Variants in MTR observed in about 807,000 individuals in gnomAD.
MTR encodes methionine synthase.
Under a neutral mutation model 154.8 loss-of-function variants are expected in MTR, and 84 were observed. The observed-to-expected ratio is 0.54, with a 90% CI of 0.45 to 0.65. MTR has a LOEUF of 0.65. Among genes scored for constraint, MTR ranks in the 30% least tolerant of loss-of-function variants. The pLI is 0.00. For synonymous variants in MTR, 554 were observed against 553.9 expected, an observed-to-expected ratio of 1.00 and a Z score of 0.00; for missense variants, 1,275 against 1,570.2, an observed-to-expected ratio of 0.81 and a Z score of 3.18.
chr1:236,900,842 G>A lies in MTR; in HGVS notation c.*3198G>A, dbSNP rs948795416. 6.5e-6 allele frequency: 1 copy of A among 152,728 alleles called. No individual in the cohort carries two copies. The highest frequency in any genetic ancestry group is 2.4e-5 in the African/African-American group (1 of 41,422). 9.5% of individuals were successfully genotyped at this position (152,728 alleles called of 1,614,324 possible). On this transcript the variant is annotated 3_prime_UTR_variant, in exon 33 of 33. Transcript: ENST00000366577. ...ACCAGGCTTTGGGGAATGAGTGGAT[G>A]GCTGGACCATTTGCTAAGACAGAGG...
chr1:236,799,747 C>G (rs571707843), intron 1 of MTR, among the ~76,000 whole-genome samples: 2 of 150,936 alleles, frequency 1.3e-5, no homozygotes, highest in African/African-American at 4.9e-5. Context: ...TGGTGACTTT[C>G]GTTTAACAGA....
intron 8 of MTR, among the ~76,000 whole-genome samples, chr1:236,822,333 A>G (rs1413535197): frequency 8.2e-6 from 1 of 122,040 alleles, no homozygotes; most frequent in Non-Finnish European, 1.7e-5. Flanking sequence ...TTTTTGAGAC[A>G]GCATCTTGCT....
At chr1:236,892,328 GC>G (rs1364995164) in intron 29 of MTR, among the ~76,000 whole-genome samples, 1 of 151,900 alleles carries the variant, frequency 6.6e-6, no homozygotes, top group African/African-American at 2.4e-5. Context: ...TTAAAAATGA[GC>G]CGTGCACTGG....
chr1:236,889,063 C>T (rs372496048), intron 27 of MTR, 118 bp from the exon 28 acceptor site: 70 of 1,232,610 alleles, frequency 5.7e-5, no homozygotes, highest in East Asian at 3.9e-4. Flanking sequence ...ACAACTCCTA[C>T]GGGTGACAGG....
Position 236,881,261 on chromosome 1 carries a change from A to C in MTR, c.2676+425A>C, listed in dbSNP as rs547285725. Among the ~76,000 whole-genome samples, 4 of 152,322 alleles carry C rather than the reference A, an allele frequency of 2.6e-5. No individual in the cohort carries two copies. The South Asian group carries it at 8.3e-4, about 32-fold the overall frequency. ...CCAAAGACAGAAAAACATCTGCTAG[A>C]TATTTAAAACCCAGAACAGTGGTTT... On this transcript the variant is annotated intron_variant, in intron 25 of 32. Transcript: ENST00000366577.
intron 1 of MTR, chr1:236,800,409 G>A (rs1439792891): frequency 2.0e-6 from 2 of 985,246 alleles, no homozygotes; most frequent in East Asian, 1.1e-4. Flanking sequence ...TTAAGTTCAC[G>A]TGATGTCATT....
chr1:236,837,573 C>T (rs904838321), intron 14 of MTR, among the ~76,000 whole-genome samples: 1 of 152,162 alleles, frequency 6.6e-6, no homozygotes, highest in Non-Finnish European at 1.5e-5. Flanking sequence ...ATATGGTAGT[C>T]ACTTAATTAT....
chr1:236,897,312 A>ACGCGCACG (rs1034067394), intron 32 of MTR, among the ~76,000 whole-genome samples, 194 bp downstream of exon 32: 1 of 66,180 alleles, frequency 1.5e-5, no homozygotes, highest in African/African-American at 5.1e-5. Flanking sequence ...ACACACACGC[A>ACGCGCACG]CACACACACA....
intron 15 of MTR, among the ~76,000 whole-genome samples, chr1:236,847,894 C>T (rs886674201): frequency 6.6e-6 from 1 of 152,170 alleles, no homozygotes; most frequent in African/African-American, 2.4e-5. Context: ...TCCACCAGCA[C>T]GATTGAGGCT....
intron 29 of MTR, among the ~76,000 whole-genome samples, chr1:236,893,609 G>A (rs12049580): frequency 0.041 from 6,281 of 152,266 alleles, 403 homozygotes; most frequent in East Asian, 0.2. Flanking sequence ...CACTGAATGA[G>A]TATTATAAGC....
chr1:236,806,138 T>A lies in MTR; in HGVS notation c.250-6T>A, dbSNP rs1407881994. ...TCATAATTGACATTATAATCTCTTGTTGCAGGAATACTTGCTGGCTGGGGC... is the reference window on the plus strand; with the variant it reads ...TCATAATTGACATTATAATCTCTTGATGCAGGAATACTTGCTGGCTGGGGC... On this transcript the variant is annotated splice_polypyrimidine_tract_variant and splice_region_variant and intron_variant, in intron 2 of 32. Coordinates refer to ENST00000366577, the MANE Select transcript of MTR (RefSeq NM_000254.3). The A allele has an allele frequency of 1.2e-6, 2 of 1,612,754 alleles. No individual in the cohort carries two copies. Among genetic ancestry groups the A allele is most frequent in the Non-Finnish European group, 1.7e-6 (2 of 1,178,860 alleles).
chr1:236,804,931 A>G (rs1660894353), intron 2 of MTR, among the ~76,000 whole-genome samples: 1 of 151,988 alleles, frequency 6.6e-6, no homozygotes, highest in Non-Finnish European at 1.5e-5. Context: ...TTTACTTAAC[A>G]ATACTTTGCA....
chr1:236,851,833 T>G (rs965658931), intron 16 of MTR, among the ~76,000 whole-genome samples: 2 of 152,256 alleles, frequency 1.3e-5, no homozygotes, highest in South Asian at 4.1e-4. Flanking sequence ...TTTTTATTAA[T>G]GTATAATATT....
intron 24 of MTR, among the ~76,000 whole-genome samples, chr1:236,878,650 T>C (rs1394023779): frequency 2.0e-5 from 3 of 152,234 alleles, no homozygotes; most frequent in Admixed American, 6.5e-5. Flanking sequence ...TAAGAAAGTT[T>C]ATGAATTTGT....
intron 14 of MTR, among the ~76,000 whole-genome samples, chr1:236,835,961 G>C (rs1027137869): frequency 6.6e-6 from 1 of 152,116 alleles, no homozygotes; most frequent in East Asian, 1.9e-4. Context: ...TGTCTGGACA[G>C]ACTAACAACC....
At chr1:236,843,322 ATGCTTGTC>A (rs1397541275) in intron 15 of MTR, among the ~76,000 whole-genome samples, 3 of 151,922 alleles carry the variant, frequency 2.0e-5, no homozygotes, top group Non-Finnish European at 4.4e-5. Flanking sequence ...AGGTAGATAG[ATGCTTGTC>A]CTGTTTGAAA....
chr1:236,837,506 A>G lies in MTR; in HGVS notation c.1330-908A>G, dbSNP rs571687438. On this transcript the variant is annotated intron_variant, in intron 14 of 32. Coordinates refer to ENST00000366577, the MANE Select transcript of MTR (RefSeq NM_000254.3). The stretch of plus-strand genomic sequence containing the variant: ...ATTACTTGTTTAATTATTTATCTTT[A>G]TAAACTCAGTGGAGCCAGAGACCTG... Among the ~76,000 whole-genome samples the G allele has an allele frequency of 8.5e-4, 129 of 152,268 alleles. 1 individual carries two copies. The highest frequency in any genetic ancestry group is 1.5e-3 in the Non-Finnish European group (101 of 68,018).
At position 236,900,197 on chromosome 1, in the gene MTR, G is replaced by GAT. The variant is rs1390131029; in HGVS notation, c.*2562_*2563dup. On this transcript the variant is annotated 3_prime_UTR_variant, in exon 33 of 33. Transcript: ENST00000366577. ...CTACAGGAAAATAGGTGAATAATTAGATATATATATTCATTCTACGGGATA... is the reference window on the plus strand; with the variant it reads ...CTACAGGAAAATAGGTGAATAATTAGATATATATATATTCATTCTACGGGATA... 2.5e-6 allele frequency: 1 copy of GAT among 406,796 alleles called. No homozygotes were observed. The highest frequency in any genetic ancestry group is 4.9e-6 in the Non-Finnish European group (1 of 202,462). 25.2% of individuals were successfully genotyped at this position (406,796 alleles called of 1,614,324 possible).
At chr1:236,816,179 A>G (rs781702915) in intron 7 of MTR, among the ~76,000 whole-genome samples, 1 of 152,142 alleles carries the variant, frequency 6.6e-6, no homozygotes, top group Non-Finnish European at 1.5e-5. Flanking sequence ...ATGAGACTGG[A>G]TGTGTGAATT....
Sources: allele counts gnomAD v4.1 joint callset (sites outside exome capture counted in the v4.1 genomes callset), GRCh38; gene constraint gnomAD v4.1.1; transcripts MANE v1.5; gene names NCBI Gene and HGNC (gene_info 2026-07-23, HGNC 2026-07-21).